Variants in CDH13 observed in about 807,000 individuals in gnomAD.
The protein encoded by CDH13 is cadherin 13, also known as cadherin-13.
CDH13 carries 24 observed loss-of-function variants against 63.8 expected under a neutral mutation model. The ratio of observed to expected loss-of-function variants is 0.38; its 90% CI spans 0.27 to 0.53. CDH13 has a LOEUF of 0.53. Among genes scored for constraint, CDH13 ranks in the 20% least tolerant of loss-of-function variants. The pLI is 0.85. For synonymous variants in CDH13, 503 were observed against 355.3 expected (o/e 1.42, Z -4.67); for missense variants, 1,049 against 903.1 (o/e 1.16, Z -2.07).
chr16:83,101,858 G>A (rs1034197630), intron 3 of CDH13, among the ~76,000 whole-genome samples: 1 of 152,118 alleles, frequency 6.6e-6, no homozygotes, highest in Non-Finnish European at 1.5e-5. Flanking sequence ...TGTGAGGAAA[G>A]GTCTGAGGAA....
At chr16:82,680,316 C>T (rs1361529232) in intron 1 of CDH13, among the ~76,000 whole-genome samples, 1 of 152,128 alleles carries the variant, frequency 6.6e-6, no homozygotes, top group Non-Finnish European at 1.5e-5. Flanking sequence ...TGTTAGACAT[C>T]AAGAGTCGAG....
chr16:83,612,820 C>T (rs1372086148), intron 8 of CDH13, among the ~76,000 whole-genome samples: 1 of 152,038 alleles, frequency 6.6e-6, no homozygotes, highest in East Asian at 1.9e-4. Context: ...CATCCTCCTA[C>T]CTTCTGAGAT....
At chr16:83,264,715 C>G (rs1468953166) in intron 5 of CDH13, among the ~76,000 whole-genome samples, 2 of 151,272 alleles carry the variant, frequency 1.3e-5, no homozygotes, top group Admixed American at 6.6e-5. Context: ...TTTCTAATTC[C>G]TAGAGACAAC....
chr16:83,269,029 A>G (rs2088713899), intron 5 of CDH13, among the ~76,000 whole-genome samples: 1 of 152,216 alleles, frequency 6.6e-6, no homozygotes, highest in Non-Finnish European at 1.5e-5. Flanking sequence ...TTCAGCAATC[A>G]ACTACATCTG....
intron 5 of CDH13, among the ~76,000 whole-genome samples, chr16:83,316,042 A>T (rs1052831077): frequency 2.0e-5 from 3 of 152,194 alleles, no homozygotes; most frequent in African/African-American, 7.2e-5. Context: ...GGAAGCTTAC[A>T]ATCATGGTGG....
intron 2 of CDH13, among the ~76,000 whole-genome samples, chr16:82,995,848 C>T (rs1007949460): frequency 1.3e-5 from 2 of 152,130 alleles, no homozygotes; most frequent in Non-Finnish European, 2.9e-5. Context: ...TCAACCCTCT[C>T]GCGGGCTGCT....
At chr16:82,923,896 C>G (rs781267113) in intron 2 of CDH13, among the ~76,000 whole-genome samples, 41 of 152,104 alleles carry the variant, frequency 2.7e-4, no homozygotes, top group Non-Finnish European at 2.2e-4. Flanking sequence ...CTGCATTTTC[C>G]CAGCCCTTCC....
At chr16:83,445,712 C>G (rs1008030830) in intron 6 of CDH13, among the ~76,000 whole-genome samples, 2 of 152,168 alleles carry the variant, frequency 1.3e-5, no homozygotes, top group Non-Finnish European at 1.5e-5. Context: ...CTAAGTAAAA[C>G]TGGAATAGCT....
intron 5 of CDH13, among the ~76,000 whole-genome samples, chr16:83,322,516 A>G (rs2090253087): frequency 6.6e-6 from 1 of 152,182 alleles, no homozygotes; most frequent in African/African-American, 2.4e-5. Context: ...TACACTAGAC[A>G]CTGGGGAGAC....
chr16:83,726,329 T>C (rs1910378060), intron 10 of CDH13: 1 of 152,096 alleles, frequency 6.6e-6, no homozygotes, highest in African/African-American at 2.4e-5. Context: ...GACCGGGGTG[T>C]CTGTTCGGGT....
chr16:83,023,315 C>A (rs1450266017), intron 2 of CDH13, among the ~76,000 whole-genome samples: 2 of 151,496 alleles, frequency 1.3e-5, no homozygotes, highest in African/African-American at 4.9e-5. Flanking sequence ...CCGACTCCAC[C>A]CCGCCCTCCC....
intron 1 of CDH13, among the ~76,000 whole-genome samples, chr16:82,635,678 A>C (rs1029304727): frequency 1.3e-5 from 2 of 152,216 alleles, no homozygotes; most frequent in Non-Finnish European, 2.9e-5. Flanking sequence ...TGGATTCAGG[A>C]ACGACGGTGC....
chr16:83,177,627 T>A (rs906145242), intron 4 of CDH13, among the ~76,000 whole-genome samples: 1 of 152,198 alleles, frequency 6.6e-6, no homozygotes, highest in Admixed American at 6.5e-5. Flanking sequence ...TGGGGACCAT[T>A]ACTCTTGCCT....
At chr16:83,334,478 C>T (rs942701791) in intron 5 of CDH13, among the ~76,000 whole-genome samples, 2 of 151,696 alleles carry the variant, frequency 1.3e-5, no homozygotes, top group Admixed American at 6.6e-5. Flanking sequence ...CTCAAGTGAT[C>T]CTCCTACCTC....
intron 2 of CDH13, among the ~76,000 whole-genome samples, chr16:82,898,166 A>C (rs1253554677): frequency 6.6e-6 from 1 of 152,248 alleles, no homozygotes; most frequent in Non-Finnish European, 1.5e-5. Flanking sequence ...TGTTAAACGA[A>C]ACATATTGTT....
At chr16:83,495,978 A>G (rs1013564577) in intron 7 of CDH13, among the ~76,000 whole-genome samples, 150 of 151,724 alleles carry the variant, frequency 9.9e-4, no homozygotes, top group Non-Finnish European at 1.6e-3. Flanking sequence ...CTTCAAGGAG[A>G]ACTACAAACC....
chr16:82,636,211 C>A (rs1908636107), intron 1 of CDH13, among the ~76,000 whole-genome samples: 1 of 152,106 alleles, frequency 6.6e-6, no homozygotes, highest in African/African-American at 2.4e-5. Context: ...AGTTCTGACT[C>A]TTCCAATTGG....
intron 2 of CDH13, among the ~76,000 whole-genome samples, chr16:83,027,589 T>C (rs1470799670): frequency 6.6e-6 from 1 of 152,172 alleles, no homozygotes; most frequent in African/African-American, 2.4e-5. Context: ...CCTTGAGTGC[T>C]AAGTATTGTT....
Position 83,482,153 on chromosome 16 carries a change from AGGTACTGGTGGCTCT to A in CDH13, c.782-4320_782-4306del, listed in dbSNP as rs554731129. ...AGTTGTTCATTCTTCTTGGAAGACA[AGGTACTGGTGGCTCT>A]GGTCAGTGTGGAATGAGGCAACACT... On this transcript the variant is annotated intron_variant, in intron 6 of 13. Coordinates refer to ENST00000567109, the MANE Select transcript of CDH13 (RefSeq NM_001257.5). Among the ~76,000 whole-genome samples, 200 of 152,312 alleles carry A rather than the reference AGGTACTGGTGGCTCT, an allele frequency of 1.3e-3. 4 individuals are homozygous for A. The South Asian group carries it at 0.038, about 29-fold the overall frequency.
Sources: allele counts gnomAD v4.1 joint callset (sites outside exome capture counted in the v4.1 genomes callset), GRCh38; gene constraint gnomAD v4.1.1; transcripts MANE v1.5; gene names NCBI Gene and HGNC (gene_info 2026-07-23, HGNC 2026-07-21).